HPDL: variants seen among roughly 807,000 people sequenced by gnomAD.
HPDL encodes the protein 4-hydroxyphenylpyruvate dioxygenase like.
Under a neutral mutation model 9.8 loss-of-function variants are expected in HPDL, and 7 were observed. That is an observed-to-expected ratio of 0.71 (90% CI 0.41 to 1.34). HPDL has a LOEUF of 1.34. HPDL is among the 40% of genes most tolerant of loss of function. The pLI, the probability that HPDL is intolerant of heterozygous loss-of-function variation, is 0.01. For synonymous variants in HPDL, 250 were observed against 228.2 expected (o/e 1.10, Z -0.86); for missense variants, 530 against 495.1 (o/e 1.07, Z -0.67).
Position 45,327,276 on chromosome 1 carries a change from G to T in HPDL, c.128G>T (p.Arg43Leu). The T allele has an allele frequency of 1.3e-6, 2 of 1,595,358 alleles. No homozygotes were observed. The highest frequency in any genetic ancestry group is 2.7e-5 in the African/African-American group (2 of 74,712). The change falls in exon 1 of 1, where the codon CGG becomes CTG. Residue 43 changes from arginine to leucine, a missense_variant. Arg to Leu is a moderately radical substitution (Grantham distance 102). Coordinates refer to ENST00000334815, the MANE Select transcript of HPDL (RefSeq NM_032756.4). This position sits in a 1 kb window ranked among gnomAD's most constrained non-coding sequence, Gnocchi z 6.3. ...GCTTCGCGGGAGGTGGACGGCTGGC[G>T]GCAGCTAGCCCTGCGCAGCGGCGAC... ...PLASREVDGWRQLALRSGDAV... is the reference protein window; with the variant it reads ...PLASREVDGWLQLALRSGDAV...
In HPDL at chr1:45,327,698, C is replaced by T. The variant is rs1350434997; in HGVS notation, c.550C>T (p.Leu184=). The T allele has an allele frequency of 6.2e-7, 1 of 1,610,746 alleles. No individual in the cohort carries two copies. Among genetic ancestry groups the T allele is most frequent in the Admixed American group, 1.7e-5 (1 of 59,846 alleles). Reference sequence around the variant, plus strand: ...ACTTTTGCGCTGGTTCCACGACTGCCTGGGCTTTTGCCACTTGCCGCTGAG... The same window carrying T: ...ACTTTTGCGCTGGTTCCACGACTGCTTGGGCTTTTGCCACTTGCCGCTGAG... ...PTLLRWFHDC[L]GFCHLPLSPG... is the part of the protein sequence containing the mutation. The change falls in exon 1 of 1, where the codon CTG becomes TTG. Residue 184 remains leucine, a synonymous_variant. Transcript: ENST00000334815. This position sits in a 1 kb window ranked among gnomAD's most constrained non-coding sequence, Gnocchi z 6.3.
chr1:45,328,144 T>C lies in HPDL; in HGVS notation c.996T>C (p.Thr332=). The C allele has an allele frequency of 1.2e-6, 2 of 1,614,248 alleles. No homozygotes were observed. Among genetic ancestry groups the C allele is most frequent in the Admixed American group, 3.3e-5 (2 of 60,036 alleles). The change falls in exon 1 of 1, where the codon ACT becomes ACC. Residue 332 remains threonine, a synonymous_variant. Transcript: ENST00000334815. ...AGGTCTTCACCAAGTCCCTTTTTAC[T>C]GAGGACACTTTCTTCCTGGAGCTGA... ...LLQVFTKSLF[T]EDTFFLELIQ...
chr1:45,327,613 C>G lies in HPDL; in HGVS notation c.465C>G (p.Pro155=). The G allele has an allele frequency of 6.2e-7, 1 of 1,612,310 alleles. No individual in the cohort carries two copies. Among genetic ancestry groups the G allele is most frequent in the Non-Finnish European group, 8.5e-7 (1 of 1,179,810 alleles). Residue 155 remains proline (P), a synonymous_variant, in exon 1 of 1, where the codon CCC becomes CCG. Transcript: ENST00000334815. The surrounding 1 kb of genome is among the most constrained non-coding windows in gnomAD (Gnocchi z 6.3). ...GFRPVSSAPG[P]GWVSRVDHLT... ...GGCCCGTGTCCTCTGCGCCTGGCCC[C>G]GGGTGGGTCAGCCGCGTGGACCACC...
Position 45,327,096 on chromosome 1 carries a change from A to T in HPDL, c.-53A>T. 1 of 1,503,516 alleles carries T rather than the reference A, an allele frequency of 6.7e-7. No individual in the cohort carries two copies. Among genetic ancestry groups the T allele is most frequent in the Non-Finnish European group, 8.9e-7 (1 of 1,129,686 alleles). The allele number at this position is 1,503,516 out of a possible 1,614,324, so 93.1% of individuals were successfully genotyped here. A position where few individuals can be genotyped will look rare whatever the true frequency, so the allele number is the denominator to read the frequency against. On this transcript the variant is annotated 5_prime_UTR_variant, in exon 1 of 1. Transcript: ENST00000334815. This position sits in a 1 kb window ranked among gnomAD's most constrained non-coding sequence, Gnocchi z 6.3. ...AGGACTGAGAGCCCCGAAGTCCCCA[A>T]CCACAAGTAAGCGGCCCCAGAAGGA...
Position 45,327,998 on chromosome 1 carries a change from C to G in HPDL, c.850C>G (p.Pro284Ala), listed in dbSNP as rs780973640. 39 of 1,613,060 alleles carry G rather than the reference C, an allele frequency of 2.4e-5. No homozygotes were observed. The highest frequency in any genetic ancestry group is 3.3e-4 in the Middle Eastern group (2 of 6,080). The change falls in exon 1 of 1, where the codon CCT becomes GCT. Residue 284 changes from proline to alanine, a missense_variant. By Grantham distance (27) the Pro-to-Ala change is conservative (BLOSUM62 -1). Transcript: ENST00000334815. This position sits in a 1 kb window ranked among gnomAD's most constrained non-coding sequence, Gnocchi z 6.3. ...TGCTGGAGGCCAGTTCCTGGCTCCC[C>G]CTGGGGCATACTACCAGCAGCCAGG... ...ATAGGQFLAP[P>A]GAYYQQPGKE...
At position 45,327,802 on chromosome 1, in the gene HPDL, G is replaced by GAAT. The variant is rs1644256506; in HGVS notation, c.654_655insAAT (p.Gln218_Ala219insAsn). On this transcript the variant is annotated inframe_insertion, in exon 1 of 1. Transcript: ENST00000334815. This position sits in a 1 kb window ranked among gnomAD's most constrained non-coding sequence, Gnocchi z 6.3. ...GGGGACTGAGGCTTACAGCCCTGCA[G>GAAT]GCCCAGCCGGGCAGCATTGTCCCCA... 1.3e-6 allele frequency: 2 copies of GAAT among 1,590,342 alleles called. No homozygotes were observed. Among genetic ancestry groups the GAAT allele is most frequent in the Non-Finnish European group, 1.7e-6 (2 of 1,166,990 alleles).
At position 45,327,083 on chromosome 1, in the gene HPDL, C is replaced by A. The variant is rs1570293098; in HGVS notation, c.-66C>A. 1 of 1,481,544 alleles carries A rather than the reference C, an allele frequency of 6.7e-7. No homozygotes were observed. The highest frequency in any genetic ancestry group is 1.3e-5 in the South Asian group (1 of 74,612). 91.8% of individuals were successfully genotyped at this position (1,481,544 alleles called of 1,614,324 possible). A position where few individuals can be genotyped will look rare whatever the true frequency, so the allele number is the denominator to read the frequency against. On this transcript the variant is annotated 5_prime_UTR_variant, in exon 1 of 1. Coordinates refer to ENST00000334815, the MANE Select transcript of HPDL (RefSeq NM_032756.4). The surrounding 1 kb of genome is among the most constrained non-coding windows in gnomAD (Gnocchi z 6.3). ...GGACGATCAGCCCAGGACTGAGAGC[C>A]CCGAAGTCCCCAACCACAAGTAAGC...
chr1:45,328,314 C>T lies in HPDL; in HGVS notation c.*50C>T, dbSNP rs373107666. 2 of 1,567,012 alleles carry T rather than the reference C, an allele frequency of 1.3e-6. No individual in the cohort carries two copies. Among genetic ancestry groups the T allele is most frequent in the Non-Finnish European group, 1.7e-6 (2 of 1,153,452 alleles). ...AGCTGTCCTGCAGCTCTGGGGAGACCAGCACAGAACTGAGGAACATCTGCA... is the reference window on the plus strand; with the variant it reads ...AGCTGTCCTGCAGCTCTGGGGAGACTAGCACAGAACTGAGGAACATCTGCA... On this transcript the variant is annotated 3_prime_UTR_variant, in exon 1 of 1. Transcript: ENST00000334815.
In HPDL at chr1:45,327,322, G is replaced by T; in HGVS notation, c.174G>T (p.Glu58Asp). The change falls in exon 1 of 1, where the codon GAG becomes GAT. Residue 58 changes from glutamate to aspartate, a missense_variant. Glu to Asp is a conservative substitution (Grantham distance 45). Coordinates refer to ENST00000334815, the MANE Select transcript of HPDL (RefSeq NM_032756.4). The surrounding 1 kb of genome is among the most constrained non-coding windows in gnomAD (Gnocchi z 6.3). The stretch of plus-strand genomic sequence containing the variant: ...GCGACGCGGTCTTTTTGGTGAACGA[G>T]GGCGCAGGGTCTGGAGAGCCGCTGT... The part of the protein sequence containing the change: ...RSGDAVFLVN[E>D]GAGSGEPLYG... The T allele has an allele frequency of 6.3e-7, 1 of 1,578,974 alleles. No homozygotes were observed. The highest frequency in any genetic ancestry group is 8.6e-7 in the Non-Finnish European group (1 of 1,163,936).
rs774297434 is a variant in HPDL, at chr1:45,327,701, G to T, written c.553G>T (p.Gly185Cys). ...TTTGCGCTGGTTCCACGACTGCCTGGGCTTTTGCCACTTGCCGCTGAGCCC... is the reference window on the plus strand; with the variant it reads ...TTTGCGCTGGTTCCACGACTGCCTGTGCTTTTGCCACTTGCCGCTGAGCCC... Reference protein sequence around the residue: ...TLLRWFHDCLGFCHLPLSPGE... With the variant: ...TLLRWFHDCLCFCHLPLSPGE... The change falls in exon 1 of 1, where the codon GGC becomes TGC. Residue 185 changes from glycine to cysteine, a missense_variant. Physicochemically the swap from Gly to Cys is radical, Grantham distance 159. Coordinates refer to ENST00000334815, the MANE Select transcript of HPDL (RefSeq NM_032756.4). The surrounding 1 kb of genome is among the most constrained non-coding windows in gnomAD (Gnocchi z 6.3). 9.9e-6 allele frequency: 16 copies of T among 1,610,872 alleles called. No individual in the cohort carries two copies. In the Admixed American group the frequency reaches 2.3e-4, roughly 24 times the overall value.
In HPDL at chr1:45,327,461, C is replaced by T. The variant is rs1473022294; in HGVS notation, c.313C>T (p.Pro105Ser). The change falls in exon 1 of 1, where the codon CCT becomes TCT. Residue 105 changes from proline to serine, a missense_variant. Physicochemically the swap from Pro to Ser is moderately conservative, Grantham distance 74. Coordinates refer to ENST00000334815, the MANE Select transcript of HPDL (RefSeq NM_032756.4). The surrounding 1 kb of genome is among the most constrained non-coding windows in gnomAD (Gnocchi z 6.3). ...AGCGCTGGGCTGCAGCGTGCCTGTC[C>T]CTCCCGTTCGCGTGCGGGACGCGCA... ...LAALGCSVPV[P>S]PVRVRDAQGA... 6.3e-7 allele frequency: 1 copy of T among 1,589,682 alleles called. No homozygotes were observed. Among genetic ancestry groups the T allele is most frequent in the South Asian group, 1.1e-5 (1 of 89,232 alleles).
rs1166250205 is a variant in HPDL at position 45,328,525 on chromosome 1, A to G, written c.*261A>G. The G allele has an allele frequency of 2.3e-6, 1 of 428,982 alleles. No individual in the cohort carries two copies. Among genetic ancestry groups the G allele is most frequent in the East Asian group, 3.7e-5 (1 of 27,088 alleles). The allele number at this position is 428,982 out of a possible 1,614,324, so 26.6% of individuals were successfully genotyped here. On this transcript the variant is annotated 3_prime_UTR_variant, in exon 1 of 1. Transcript: ENST00000334815. ...ACAAAGAACAATAAAAGAATTACAC[A>G]CTAGGAAATAGAACATAACCAATAC...
Position 45,327,206 on chromosome 1 carries a change from C to A in HPDL, c.58C>A (p.Pro20Thr). ...CGCCTTCCACGTGCCCGCCGGGCAG[C>A]CCCTAGCCCGGAACCTGCAGCGCCT... The part of the protein sequence containing the change: ...HIAFHVPAGQ[P>T]LARNLQRLFG... Residue 20 changes from proline to threonine, a missense_variant, in exon 1 of 1, where the codon CCC (proline) becomes ACC (threonine). Coordinates refer to ENST00000334815, the MANE Select transcript of HPDL (RefSeq NM_032756.4). The surrounding 1 kb of genome is among the most constrained non-coding windows in gnomAD (Gnocchi z 6.3). 6.3e-7 allele frequency: 1 copy of A among 1,599,304 alleles called. No homozygotes were observed.
rs1271272599 is a variant in HPDL at position 45,327,125 on chromosome 1, G to A, written c.-24G>A. ...CAAGTAAGCGGCCCCAGAAGGACAA[G>A]TCTAGGTCGCCGTCCAGAGCGCCAT... is the stretch of plus-strand genomic sequence containing the variant. On this transcript the variant is annotated 5_prime_UTR_variant, in exon 1 of 1. Coordinates refer to ENST00000334815, the MANE Select transcript of HPDL (RefSeq NM_032756.4). The surrounding 1 kb of genome is among the most constrained non-coding windows in gnomAD (Gnocchi z 6.3). 2.6e-6 allele frequency: 4 copies of A among 1,534,426 alleles called. No individual in the cohort carries two copies. Among genetic ancestry groups the A allele is most frequent in the Non-Finnish European group, 3.5e-6 (4 of 1,142,134 alleles).
Position 45,327,376 on chromosome 1 carries a change from C to T in HPDL, c.228C>T (p.Pro76=), listed in dbSNP as rs1458096675. 2 of 1,585,066 alleles carry T rather than the reference C, an allele frequency of 1.3e-6. No homozygotes were observed. Among genetic ancestry groups the T allele is most frequent in the Non-Finnish European group, 1.7e-6 (2 of 1,169,684 alleles). The change falls in exon 1 of 1, where the codon CCC becomes CCT. Residue 76 remains proline, a synonymous_variant. Coordinates refer to ENST00000334815, the MANE Select transcript of HPDL (RefSeq NM_032756.4). This position sits in a 1 kb window ranked among gnomAD's most constrained non-coding sequence, Gnocchi z 6.3. ...GCCTGGATCCGCGTCACGCCGTGCC[C>T]AGCGCCACAAACCTGTGCTTCGACG... ...LYGLDPRHAV[P]SATNLCFDVA...
chr1:45,327,328 A>T lies in HPDL; in HGVS notation c.180A>T (p.Ala60=). The T allele has an allele frequency of 6.3e-7, 1 of 1,577,208 alleles. No homozygotes were observed. The change falls in exon 1 of 1, where the codon GCA becomes GCT. Residue 60 remains alanine, a synonymous_variant. Coordinates refer to ENST00000334815, the MANE Select transcript of HPDL (RefSeq NM_032756.4). This position sits in a 1 kb window ranked among gnomAD's most constrained non-coding sequence, Gnocchi z 6.3. ...GDAVFLVNEG[A]GSGEPLYGLD... ...CGGTCTTTTTGGTGAACGAGGGCGC[A>T]GGGTCTGGAGAGCCGCTGTACGGCC...
In HPDL at chr1:45,326,990, G is replaced by A; in HGVS notation, c.-159G>A. 1.4e-6 allele frequency: 1 copy of A among 714,796 alleles called. No individual in the cohort carries two copies. The highest frequency in any genetic ancestry group is 2.1e-6 in the Non-Finnish European group (1 of 482,726). 44.3% of individuals were successfully genotyped at this position (714,796 alleles called of 1,614,324 possible). A position where few individuals can be genotyped will look rare whatever the true frequency, so the allele number is the denominator to read the frequency against. The stretch of plus-strand genomic sequence containing the variant: ...GAGAACCGCGAGCTCTCAGGGGTCG[G>A]CGGGTGACTTCTTTCCGGAAGAAAG... On this transcript the variant is annotated 5_prime_UTR_variant, in exon 1 of 1. Transcript: ENST00000334815.
In HPDL at chr1:45,328,350, C is replaced by A; in HGVS notation, c.*86C>A. On this transcript the variant is annotated 3_prime_UTR_variant, in exon 1 of 1. Coordinates refer to ENST00000334815, the MANE Select transcript of HPDL (RefSeq NM_032756.4). ...TGAGGAACATCTGCAGGAGGCCCAA[C>A]TAGTGAAAGGCTTTGCCTCCGGGGG... 7.0e-7 allele frequency: 1 copy of A among 1,426,948 alleles called. No individual in the cohort carries two copies. Among genetic ancestry groups the A allele is most frequent in the Non-Finnish European group, 9.5e-7 (1 of 1,055,202 alleles). 88.4% of individuals were successfully genotyped at this position (1,426,948 alleles called of 1,614,324 possible). A position where few individuals can be genotyped will look rare whatever the true frequency, so the allele number is the denominator to read the frequency against.
chr1:45,327,245 C>G lies in HPDL; in HGVS notation c.97C>G (p.Pro33Ala), dbSNP rs763960916. The change falls in exon 1 of 1, where the codon CCC becomes GCC. Residue 33 changes from proline (P) to alanine (A), a missense_variant. By Grantham distance (27) the Pro-to-Ala change is conservative (BLOSUM62 -1). Transcript: ENST00000334815. The surrounding 1 kb of genome is among the most constrained non-coding windows in gnomAD (Gnocchi z 6.3). ...CCTGCAGCGCCTCTTCGGCTTCCAG[C>G]CCCTGGCTTCGCGGGAGGTGGACGG... is the stretch of plus-strand genomic sequence containing the variant. ...RNLQRLFGFQ[P>A]LASREVDGWR... is the part of the protein sequence containing the mutation. 3.1e-6 allele frequency: 5 copies of G among 1,605,004 alleles called. No homozygotes were observed. The highest frequency in any genetic ancestry group is 4.2e-6 in the Non-Finnish European group (5 of 1,177,462).
Sources: gnomAD v4.1 joint callset for allele counts on GRCh38, gnomAD v4.1.1 for gene constraint, Gnocchi (gnomAD v3.1) non-coding constraint, MANE v1.5 for transcripts, NCBI Gene and HGNC (gene_info 2026-07-23, HGNC 2026-07-21) for gene names.